Variants in NRP1 observed in about 807,000 individuals in gnomAD.
NRP1 encodes the protein neuropilin-1.
A neutral mutation model predicts 106.7 loss-of-function variants in NRP1; 35 were observed. The ratio of observed to expected loss-of-function variants is 0.33; its 90% CI spans 0.25 to 0.43. The LOEUF is 0.43. NRP1 is among the 20% of genes least tolerant of loss of function. The pLI, the probability that NRP1 is intolerant of heterozygous loss-of-function variation, is 1.00. For synonymous variants in NRP1, 437 were observed against 417.9 expected (o/e 1.05, Z -0.56); for missense variants, 1,024 against 1,170.4 (o/e 0.87, Z 1.83).
Position 33,178,957 on chromosome 10 carries a change from CT to C in NRP1, c.*1118del, listed in dbSNP as rs1313018345. The C allele has an allele frequency of 6.6e-6, 1 of 152,600 alleles. No individual in the cohort carries two copies. The highest frequency in any genetic ancestry group is 1.5e-5 in the Non-Finnish European group (1 of 68,038). 9.5% of individuals were successfully genotyped at this position (152,600 alleles called of 1,614,324 possible). The stretch of plus-strand genomic sequence containing the variant: ...CCCAGCAGGTTAAAGCTGCAAGTTT[CT>C]TTCCTGGACAATGGCAAATCCTCCA... On this transcript the variant is annotated 3_prime_UTR_variant, in exon 17 of 17. Transcript: ENST00000374867.
intron 8 of NRP1, 26 bp downstream of exon 8, chr10:33,221,693 T>G: frequency 4.4e-6 from 7 of 1,600,412 alleles, no homozygotes; most frequent in Non-Finnish European, 6.0e-6. Flanking sequence ...CTTGGAAGAT[T>G]CAGTCTTCAA....
chr10:33,226,125 C>T lies in NRP1; in HGVS notation c.1137+9G>A. The T allele has an allele frequency of 1.2e-6, 2 of 1,613,548 alleles. No homozygotes were observed. Among genetic ancestry groups the T allele is most frequent in the Non-Finnish European group, 1.7e-6 (2 of 1,179,598 alleles). On this transcript the variant is annotated intron_variant, in intron 7 of 16. Transcript: ENST00000374867. ...CCAAATTGGTTGCCACGGTGGCAGC[C>T]TAACTTACAACAGGTTTGTTTCCTT... is the stretch of plus-strand genomic sequence containing the variant.
chr10:33,213,479 C>G lies in NRP1; in HGVS notation c.1521G>C (p.Glu507Asp). ...GIIIQGGKHR[E>D]NKVFMRKFKI... The stretch of plus-strand genomic sequence containing the variant: ...TGAACTTCCTCATGAACACCTTGTT[C>G]TCTCGGTGCTTCCCACCCTGAATGA... Residue 507 changes from glutamate (E) to aspartate (D), a missense_variant, in exon 9 of 17, where the codon GAG becomes GAC. By Grantham distance (45) the Glu-to-Asp change is conservative. Transcript: ENST00000374867. 12 of 1,614,108 alleles carry G rather than the reference C, an allele frequency of 7.4e-6. No individual in the cohort carries two copies. The highest frequency in any genetic ancestry group is 1.0e-5 in the Non-Finnish European group (12 of 1,180,016).
chr10:33,321,729 T>G (rs76027755), intron 2 of NRP1, among the ~76,000 whole-genome samples: 224 of 152,344 alleles, frequency 1.5e-3, no homozygotes, highest in African/African-American at 5.2e-3. Context: ...AGACAAGGAC[T>G]TGGAATCGTG....
At chr10:33,239,649 A>G (rs1382535518) in intron 6 of NRP1, among the ~76,000 whole-genome samples, 1 of 152,222 alleles carries the variant, frequency 6.6e-6, no homozygotes, top group African/African-American at 2.4e-5. Context: ...CACTGTGTGA[A>G]GTATTCCTTT....
chr10:33,228,966 A>G (rs1839895595), intron 6 of NRP1, among the ~76,000 whole-genome samples: 1 of 152,206 alleles, frequency 6.6e-6, no homozygotes, highest in African/African-American at 2.4e-5. Context: ...AAAGTGAACC[A>G]TGGTACTTTG....
In NRP1 at chr10:33,179,380, G is replaced by A. The variant is rs181361730; in HGVS notation, c.*696C>T. 13 of 152,736 alleles carry A rather than the reference G, an allele frequency of 8.5e-5. No individual in the cohort carries two copies. The highest frequency in any genetic ancestry group is 3.4e-3 in the Middle Eastern group (1 of 294). 9.5% of individuals were successfully genotyped at this position (152,736 alleles called of 1,614,324 possible). ...CAAGGATTTGTGTTTTTGTTGTTGC[G>A]GTTGTCAGCAGTATACCCAGTGGCC... is the stretch of plus-strand genomic sequence containing the variant. On this transcript the variant is annotated 3_prime_UTR_variant, in exon 17 of 17. Coordinates refer to ENST00000374867, the MANE Select transcript of NRP1 (RefSeq NM_003873.7).
chr10:33,210,386 AG>A (rs370821930), intron 9 of NRP1, among the ~76,000 whole-genome samples: 89 of 152,280 alleles, frequency 5.8e-4, no homozygotes, highest in African/African-American at 2.1e-3. Flanking sequence ...ATACCTCCAA[AG>A]ATCATAGGAG....
intron 11 of NRP1, chr10:33,201,977 T>G (rs1403532238): frequency 1.3e-5 from 2 of 152,188 alleles, no homozygotes; most frequent in Non-Finnish European, 1.5e-5. Context: ...AGTTACATGG[T>G]AACGCCTTCA....
At chr10:33,308,596 C>T (rs148128574) in intron 2 of NRP1, among the ~76,000 whole-genome samples, 1,721 of 151,964 alleles carry the variant, frequency 0.011, 45 homozygotes, top group African/African-American at 0.04. Flanking sequence ...AAGTGAGTCT[C>T]CTGCCTCAGC....
chr10:33,183,499 T>C (rs1835818592), intron 15 of NRP1, among the ~76,000 whole-genome samples: 1 of 152,220 alleles, frequency 6.6e-6, no homozygotes, highest in South Asian at 2.1e-4. Flanking sequence ...TGCGTTAGTT[T>C]GGCTTCTCGA....
chr10:33,334,256 G>A, intron 1 of NRP1, 54 bp downstream of exon 1: 1 of 1,490,100 alleles, frequency 6.7e-7, no homozygotes, highest in Non-Finnish European at 9.1e-7. Context: ...GGTCCGGGGC[G>A]GGCAGCTGGG....
At chr10:33,224,390 C>T (rs778565418) in intron 7 of NRP1, among the ~76,000 whole-genome samples, 3 of 152,036 alleles carry the variant, frequency 2.0e-5, no homozygotes, top group African/African-American at 4.8e-5. Flanking sequence ...GGTGAAATAG[C>T]CCGTATGGTT....
At chr10:33,236,458 T>C (rs1029584170) in intron 6 of NRP1, among the ~76,000 whole-genome samples, 3 of 152,240 alleles carry the variant, frequency 2.0e-5, no homozygotes, top group Non-Finnish European at 4.4e-5. Flanking sequence ...TTCCATCTGA[T>C]TGTTTATGTG....
intron 2 of NRP1, among the ~76,000 whole-genome samples, chr10:33,289,785 G>A (rs933804601): frequency 6.6e-6 from 1 of 152,120 alleles, no homozygotes. Flanking sequence ...GGTTTGCTAC[G>A]TTTTATCGTT....
Position 33,193,850 on chromosome 10 carries a change from A to G in NRP1, c.1925-1432T>C, listed in dbSNP as rs75664888. Reference sequence around the variant, plus strand: ...TTATAAGGAACCCTTTTCTAGAGCTAATGTCAAATTTTGGAAGGAATCCAC... The same window carrying G: ...TTATAAGGAACCCTTTTCTAGAGCTGATGTCAAATTTTGGAAGGAATCCAC... On this transcript the variant is annotated intron_variant, in intron 12 of 16. Coordinates refer to ENST00000374867, the MANE Select transcript of NRP1 (RefSeq NM_003873.7). Among the ~76,000 whole-genome samples the G allele has an allele frequency of 1.5e-3, 235 of 152,328 alleles. 5 individuals carry two copies. In the East Asian group the frequency reaches 0.043, roughly 28 times the overall value.
chr10:33,334,031 G>A (rs1189091123), intron 1 of NRP1, among the ~76,000 whole-genome samples: 1 of 152,192 alleles, frequency 6.6e-6, no homozygotes, highest in Non-Finnish European at 1.5e-5. Context: ...TAATTGGCAT[G>A]CTGATCTGGG....
intron 6 of NRP1, among the ~76,000 whole-genome samples, chr10:33,233,828 T>G (rs190507121): frequency 1.3e-3 from 197 of 152,330 alleles, no homozygotes; most frequent in Non-Finnish European, 1.6e-3. Context: ...AATTCATCAC[T>G]TGACACTACA....
At chr10:33,257,792 C>T (rs544764275) in intron 4 of NRP1, among the ~76,000 whole-genome samples, 2 of 152,040 alleles carry the variant, frequency 1.3e-5, no homozygotes, top group South Asian at 2.1e-4. Context: ...TCCTGATCAT[C>T]GACAAGCCAC....
Sources: gnomAD v4.1 joint callset for allele counts (sites outside exome capture counted in the v4.1 genomes callset) on GRCh38, gnomAD v4.1.1 for gene constraint, MANE v1.5 for transcripts, NCBI Gene and HGNC (gene_info 2026-07-23, HGNC 2026-07-21) for gene names.